Variants in SMARCB1 observed in about 807,000 individuals in gnomAD.
SMARCB1 encodes the protein SWI/SNF-related matrix-associated actin-dependent regulator of chromatin subfamily B member 1.
SMARCB1 carries 5 observed loss-of-function variants against 49.0 expected under a neutral mutation model. The observed-to-expected ratio is 0.10, with a 90% CI of 0.05 to 0.21. SMARCB1 has a LOEUF of 0.21. Among genes scored for constraint, SMARCB1 ranks in the 10% least tolerant of loss-of-function variants. SMARCB1 has a pLI of 1.00. For missense variants in SMARCB1, 226 were observed against 509.2 expected (o/e 0.44, Z 5.35); for synonymous variants, 201 against 200.1 (o/e 1.00, Z -0.04).
chr22:23,803,517 T>G, intron 5 of SMARCB1, 95 bp downstream of exon 5: 1 of 1,451,692 alleles, frequency 6.9e-7, no homozygotes, highest in Non-Finnish European at 9.6e-7. Context: ...TCAGGCAGAT[T>G]CTGGACCTGA....
In SMARCB1 at chr22:23,808,547, C is replaced by T. The variant is rs193073169; in HGVS notation, c.628+5125C>T. Among the ~76,000 whole-genome samples, 17 of 152,028 alleles carry T rather than the reference C, an allele frequency of 1.1e-4. 1 individual carries two copies. In the East Asian group the frequency reaches 2.0e-3, roughly 17 times the overall value. ...CTGGGATTACAGGCGTGAGCCACTGCGCCCGGCCAAATGATGGTAGATTTC... is the reference window on the plus strand; with the variant it reads ...CTGGGATTACAGGCGTGAGCCACTGTGCCCGGCCAAATGATGGTAGATTTC... On this transcript the variant is annotated intron_variant, in intron 5 of 8. Coordinates refer to ENST00000644036, the MANE Select transcript of SMARCB1 (RefSeq NM_003073.5).
chr22:23,837,949 C>T lies in SMARCB1; in HGVS notation c.*3769C>T. On this transcript the variant is annotated 3_prime_UTR_variant, in exon 9 of 9. Transcript: ENST00000644036. ...CCCTGGAATTCTTCCCCTCATCTCC[C>T]CTATGTGCTATTCCCTCATCAAGAT... 9 of 1,329,652 alleles carry T rather than the reference C, an allele frequency of 6.8e-6. No homozygotes were observed. Among genetic ancestry groups the T allele is most frequent in the Non-Finnish European group, 9.2e-6 (9 of 982,148 alleles). 82.4% of individuals were successfully genotyped at this position (1,329,652 alleles called of 1,614,324 possible).
At chr22:23,806,379 C>T (rs1332279644) in intron 5 of SMARCB1, among the ~76,000 whole-genome samples, 1 of 152,184 alleles carries the variant, frequency 6.6e-6, no homozygotes, top group Non-Finnish European at 1.5e-5. Context: ...AGAACAAAGT[C>T]TTAACCAGTG....
At chr22:23,812,759 T>C (rs1042582358) in intron 5 of SMARCB1, among the ~76,000 whole-genome samples, 1 of 152,180 alleles carries the variant, frequency 6.6e-6, no homozygotes, top group South Asian at 2.1e-4. Context: ...GAAAAAGCAT[T>C]TTGTAGAACT....
chr22:23,801,256 C>T, intron 4 of SMARCB1, 175 bp downstream of exon 4: 1 of 916,466 alleles, frequency 1.1e-6, no homozygotes, highest in Non-Finnish European at 1.7e-6. Context: ...GGACATTGTC[C>T]ATAGCCTCCT....
chr22:23,812,098 A>G (rs1321636073), intron 5 of SMARCB1, among the ~76,000 whole-genome samples: 1 of 152,220 alleles, frequency 6.6e-6, no homozygotes, highest in East Asian at 1.9e-4. Flanking sequence ...CAACTCATCC[A>G]ATGTCAAATA....
chr22:23,837,560 G>C lies in SMARCB1; in HGVS notation c.*3380G>C. ...ATGGGGATGGAGCCAGGTGTGAGGA[G>C]AACTCCAGCAAGGATGGGAGAGGGG... On this transcript the variant is annotated 3_prime_UTR_variant, in exon 9 of 9. Coordinates refer to ENST00000644036, the MANE Select transcript of SMARCB1 (RefSeq NM_003073.5). The C allele has an allele frequency of 2.4e-6, 3 of 1,259,158 alleles. No individual in the cohort carries two copies. The highest frequency in any genetic ancestry group is 3.3e-6 in the Non-Finnish European group (3 of 905,404). The allele number at this position is 1,259,158 out of a possible 1,614,324, so 78.0% of individuals were successfully genotyped here.
rs1269526398 is a variant in SMARCB1 at position 23,834,780 on chromosome 22, T to G, written c.*600T>G. On this transcript the variant is annotated 3_prime_UTR_variant, in exon 9 of 9. Coordinates refer to ENST00000644036, the MANE Select transcript of SMARCB1 (RefSeq NM_003073.5). ...AGCTGTGAGGCTCAGGGCAAGAGGC[T>G]CTCTGCCTTTCAGGAACAGCCCTAA... 5 of 1,572,090 alleles carry G rather than the reference T, an allele frequency of 3.2e-6. No homozygotes were observed. The highest frequency in any genetic ancestry group is 4.5e-5 in the East Asian group (2 of 44,512).
Position 23,836,092 on chromosome 22 carries a change from G to A in SMARCB1, c.*1912G>A, listed in dbSNP as rs5760061. On this transcript the variant is annotated 3_prime_UTR_variant, in exon 9 of 9. Transcript: ENST00000644036. ...AAGAGAAAAATGAGCCACAGGGGTC[G>A]GATAAGGCTCACACACGTCCTCAGC... is the stretch of plus-strand genomic sequence containing the variant. 0.78 allele frequency: 764,840 copies of A among 985,274 alleles called. 300,858 individuals carry two copies. Among genetic ancestry groups the A allele is most frequent in the Non-Finnish European group, 0.81 (669,468 of 829,910 alleles). The allele number at this position is 985,274 out of a possible 1,614,324, so 61.0% of individuals were successfully genotyped here.
chr22:23,814,237 C>T (rs1216166131), intron 5 of SMARCB1, among the ~76,000 whole-genome samples: 2 of 152,150 alleles, frequency 1.3e-5, no homozygotes, highest in African/African-American at 4.8e-5. Context: ...AGTGACATAC[C>T]GTGATGGAAC....
In SMARCB1 at chr22:23,837,470, T is replaced by G; in HGVS notation, c.*3290T>G. The stretch of plus-strand genomic sequence containing the variant: ...AGCATCAGTAGATCCGTCCTGACGA[T>G]GCAAATTATGTGGGCCGGCTGGCTT... On this transcript the variant is annotated 3_prime_UTR_variant, in exon 9 of 9. Coordinates refer to ENST00000644036, the MANE Select transcript of SMARCB1 (RefSeq NM_003073.5). The G allele has an allele frequency of 1.5e-6, 1 of 680,992 alleles. No homozygotes were observed. The highest frequency in any genetic ancestry group is 2.5e-6 in the Non-Finnish European group (1 of 407,770). The allele number at this position is 680,992 out of a possible 1,614,324, so 42.2% of individuals were successfully genotyped here.
chr22:23,833,508 T>C, intron 7 of SMARCB1, 64 bp from the exon 8 acceptor site: 2 of 1,610,778 alleles, frequency 1.2e-6, no homozygotes, highest in Non-Finnish European at 1.7e-6. Context: ...GGGCCAAAGC[T>C]TTCTGAGGAT....
Position 23,836,977 on chromosome 22 carries a change from C to T in SMARCB1, c.*2797C>T. The T allele has an allele frequency of 6.2e-7, 1 of 1,604,618 alleles. No homozygotes were observed. The highest frequency in any genetic ancestry group is 8.5e-7 in the Non-Finnish European group (1 of 1,175,722). On this transcript the variant is annotated 3_prime_UTR_variant, in exon 9 of 9. Transcript: ENST00000644036. ...GGAGCAGCTTTCTGTGGGGAGGGGC[C>T]CGTGTTGAGCACAGGCCAGCACAGG... is the stretch of plus-strand genomic sequence containing the variant.
At chr22:23,829,740 A>G (rs568968690) in intron 7 of SMARCB1, among the ~76,000 whole-genome samples, 4 of 152,196 alleles carry the variant, frequency 2.6e-5, no homozygotes, top group Non-Finnish European at 5.9e-5. Context: ...GGTTTTTGAT[A>G]TATGCAGAGA....
In SMARCB1 at chr22:23,834,932, C is replaced by T; in HGVS notation, c.*752C>T. On this transcript the variant is annotated 3_prime_UTR_variant, in exon 9 of 9. Transcript: ENST00000644036. Reference sequence around the variant, plus strand: ...CTGGGGCCTTGCTGCTCTGAAGTCCCCTGCGGAGGGCCCAGTCCTGTGTGG... The same window carrying T: ...CTGGGGCCTTGCTGCTCTGAAGTCCTCTGCGGAGGGCCCAGTCCTGTGTGG... 2 of 1,607,236 alleles carry T rather than the reference C, an allele frequency of 1.2e-6. No homozygotes were observed. Among genetic ancestry groups the T allele is most frequent in the Non-Finnish European group, 1.7e-6 (2 of 1,178,318 alleles).
chr22:23,787,494 A>G (rs544138723), intron 1 of SMARCB1, among the ~76,000 whole-genome samples: 35 of 152,168 alleles, frequency 2.3e-4, no homozygotes, highest in Non-Finnish European at 4.4e-4. Context: ...CAGTGCTGCC[A>G]AGATTTTGGC....
intron 7 of SMARCB1, among the ~76,000 whole-genome samples, chr22:23,831,417 G>A (rs1276671688): frequency 2.0e-5 from 3 of 152,170 alleles, no homozygotes; most frequent in Non-Finnish European, 4.4e-5. Context: ...TGGTAGGAAG[G>A]TCTGGGGTCC....
Position 23,835,835 on chromosome 22 carries a change from G to A in SMARCB1, c.*1655G>A. On this transcript the variant is annotated 3_prime_UTR_variant, in exon 9 of 9. Coordinates refer to ENST00000644036, the MANE Select transcript of SMARCB1 (RefSeq NM_003073.5). ...CCCCACAGGTCGGGCAGGGCCACCTGGCTGGGAGGTGCCGGGAAGGCTGGG... is the reference window on the plus strand; with the variant it reads ...CCCCACAGGTCGGGCAGGGCCACCTAGCTGGGAGGTGCCGGGAAGGCTGGG... 1.0e-5 allele frequency: 10 copies of A among 985,208 alleles called. No homozygotes were observed. Among genetic ancestry groups the A allele is most frequent in the Non-Finnish European group, 1.1e-5 (9 of 829,902 alleles). The allele number at this position is 985,208 out of a possible 1,614,324, so 61.0% of individuals were successfully genotyped here. A position where few individuals can be genotyped will look rare whatever the true frequency, so the allele number is the denominator to read the frequency against.
chr22:23,819,974 C>T (rs932740959), intron 6 of SMARCB1, among the ~76,000 whole-genome samples: 2 of 151,992 alleles, frequency 1.3e-5, no homozygotes, highest in African/African-American at 2.4e-5. Context: ...GGACTACAGG[C>T]GCATGCCACC....
Sources: gnomAD v4.1 joint callset for allele counts (sites outside exome capture counted in the v4.1 genomes callset) on GRCh38, gnomAD v4.1.1 for gene constraint, MANE v1.5 for transcripts, NCBI Gene and HGNC (gene_info 2026-07-23, HGNC 2026-07-21) for gene names.